The following FBXO36 variants were observed in gnomAD, a reference collection of about 807,000 sequenced individuals.
FBXO36 encodes F-box only protein 36.
A neutral mutation model predicts 17.0 loss-of-function variants in FBXO36; 18 were observed. The ratio of observed to expected loss-of-function variants is 1.06; its 90% CI spans 0.73 to 1.57. The LOEUF (loss-of-function observed/expected upper bound fraction) is 1.57. FBXO36 is among the 40% of genes most tolerant of loss of function. The pLI is 0.00. For synonymous variants in FBXO36, 83 were observed against 85.3 expected, an observed-to-expected ratio of 0.97 and a Z score of 0.15; for missense variants, 229 against 221.9, an observed-to-expected ratio of 1.03 and a Z score of -0.20.
At chr2:229,956,611 C>T (rs1273018786) in intron 1 of FBXO36, among the ~76,000 whole-genome samples, 1 of 152,118 alleles carries the variant, frequency 6.6e-6, no homozygotes. Flanking sequence ...TTGATGTTAA[C>T]CTTTGGTCTT....
chr2:229,927,918 C>T (rs1399210553), intron 1 of FBXO36, among the ~76,000 whole-genome samples: 1 of 152,194 alleles, frequency 6.6e-6, no homozygotes, highest in East Asian at 1.9e-4. Flanking sequence ...TTAAACTAGA[C>T]TTGGTGATGG....
At chr2:229,983,297 C>T (rs1310241681) in intron 2 of FBXO36, among the ~76,000 whole-genome samples, 1 of 151,872 alleles carries the variant, frequency 6.6e-6, no homozygotes. Context: ...ATCGCTTGAA[C>T]CTGGGAGGCA....
chr2:229,987,030 C>A (rs1354353632), intron 2 of FBXO36, among the ~76,000 whole-genome samples: 1 of 151,352 alleles, frequency 6.6e-6, no homozygotes, highest in Non-Finnish European at 1.5e-5. Context: ...ACCAGCCTGG[C>A]CAACATGGTG....
intron 2 of FBXO36, among the ~76,000 whole-genome samples, chr2:229,980,042 G>A (rs1158103986): frequency 6.6e-6 from 1 of 151,442 alleles, no homozygotes; most frequent in African/African-American, 2.4e-5. Flanking sequence ...GTTAACATTC[G>A]TTTTTTTTGT....
intron 1 of FBXO36, among the ~76,000 whole-genome samples, chr2:229,931,124 T>C: frequency 6.6e-6 from 1 of 152,344 alleles, no homozygotes; most frequent in South Asian, 2.1e-4. Flanking sequence ...ATGGCACTTT[T>C]CTGAGGAGAG....
intron 3 of FBXO36, among the ~76,000 whole-genome samples, chr2:230,007,573 G>A (rs2106218913): frequency 6.6e-6 from 1 of 152,162 alleles, no homozygotes; most frequent in Non-Finnish European, 1.5e-5. Context: ...TGTGTTTACA[G>A]CAACCTGATT....
chr2:229,944,575 G>T (rs1352996423), intron 1 of FBXO36, among the ~76,000 whole-genome samples: 2 of 147,328 alleles, frequency 1.4e-5, no homozygotes, highest in African/African-American at 5.0e-5. Flanking sequence ...AGCAAAACTG[G>T]TATTTTTTTT....
At chr2:229,956,595 G>A (rs770097385) in intron 1 of FBXO36, among the ~76,000 whole-genome samples, 1 of 152,126 alleles carries the variant, frequency 6.6e-6, no homozygotes, top group African/African-American at 2.4e-5. Flanking sequence ...AAGTCTGTCC[G>A]GATATTTGAT....
intron 2 of FBXO36, among the ~76,000 whole-genome samples, chr2:229,986,737 G>T (rs935369107): frequency 6.6e-6 from 1 of 151,220 alleles, no homozygotes; most frequent in African/African-American, 2.4e-5. Flanking sequence ...GTTTCACCAT[G>T]TTGGCCAGGC....
rs2076999113 is a variant in FBXO36 at position 229,941,605 on chromosome 2, A to AAAAAAAAAAT, written c.96+18998_96+19007dup. Among the ~76,000 whole-genome samples the AAAAAAAAAAT allele has an allele frequency of 4.6e-5, 7 of 152,146 alleles. 1 individual carries two copies. In the South Asian group the frequency reaches 1.4e-3, roughly 31 times the overall value. Reference sequence around the variant, plus strand: ...AAACTGCTGGCCAGGAGAGGCGAAAAAAAAAAAAATAGAGAAGGGACATGA... The same window carrying AAAAAAAAAAT: ...AAACTGCTGGCCAGGAGAGGCGAAAAAAAAAAAAATAAAAAAAAATAGAGAAGGGACATGA... On this transcript the variant is annotated intron_variant, in intron 1 of 3. Transcript: ENST00000283946.
intron 2 of FBXO36, among the ~76,000 whole-genome samples, chr2:229,987,552 A>G (rs2077275542): frequency 6.6e-6 from 1 of 151,948 alleles, no homozygotes; most frequent in Non-Finnish European, 1.5e-5. Flanking sequence ...CCTTTCTACT[A>G]CTTTCCTTAA....
intron 2 of FBXO36, among the ~76,000 whole-genome samples, chr2:229,989,051 C>G (rs1488712046): frequency 3.3e-5 from 5 of 151,908 alleles, no homozygotes; most frequent in African/African-American, 1.2e-4. Flanking sequence ...ACTGTGTGCA[C>G]AGATCATTTC....
At chr2:229,935,663 A>G (rs2076960058) in intron 1 of FBXO36, among the ~76,000 whole-genome samples, 1 of 152,222 alleles carries the variant, frequency 6.6e-6, no homozygotes, top group Non-Finnish European at 1.5e-5. Context: ...ACTCTGAAAC[A>G]GAAGTCTTCC....
chr2:230,005,490 A>G (rs1185608594), intron 3 of FBXO36, among the ~76,000 whole-genome samples: 1 of 152,218 alleles, frequency 6.6e-6, no homozygotes, highest in Non-Finnish European at 1.5e-5. Context: ...TTGCATGTTT[A>G]TCTGTAGAAA....
At chr2:229,968,216 TAA>T (rs2077163710) in intron 1 of FBXO36, among the ~76,000 whole-genome samples, 1 of 151,580 alleles carries the variant, frequency 6.6e-6, no homozygotes, top group African/African-American at 2.4e-5. Context: ...AATATTCAAT[TAA>T]AGTTATGAAT....
At position 229,922,586 on chromosome 2, in the gene FBXO36, C is replaced by T. The variant is rs2076765199; in HGVS notation, c.73C>T (p.Gln25Ter). ...QGPPPSKDYY[Q>*]LLVTRSQVIF... is the part of the protein sequence containing the mutation. Reference sequence around the variant, plus strand: ...CCCGCCGCCTAGCAAAGACTATTACCAGTTACTGGTCACCCGGTCTCAGGC... The same window carrying T: ...CCCGCCGCCTAGCAAAGACTATTACTAGTTACTGGTCACCCGGTCTCAGGC... Residue 25 changes from glutamine to a stop codon, truncating the protein, a stop_gained, in exon 1 of 4, where the codon CAG (glutamine) becomes TAG (stop). Transcript: ENST00000283946. LOFTEE classifies it high-confidence loss of function. 1.2e-6 allele frequency: 2 copies of T among 1,614,100 alleles called. No homozygotes were observed. Among genetic ancestry groups the T allele is most frequent in the East Asian group, 4.5e-5 (2 of 44,880 alleles).
At chr2:230,006,642 C>T (rs2106218204) in intron 3 of FBXO36, among the ~76,000 whole-genome samples, 1 of 152,178 alleles carries the variant, frequency 6.6e-6, no homozygotes, top group Non-Finnish European at 1.5e-5. Flanking sequence ...CATTCTTGAG[C>T]AGAGCAAAGG....
At chr2:229,967,858 C>T (rs1367003329) in intron 1 of FBXO36, among the ~76,000 whole-genome samples, 2 of 152,082 alleles carry the variant, frequency 1.3e-5, no homozygotes, top group Non-Finnish European at 2.9e-5. Context: ...TGTGTCTCTG[C>T]CCGGCTTTGG....
intron 1 of FBXO36, among the ~76,000 whole-genome samples, chr2:229,963,423 T>C (rs1350155839): frequency 6.7e-6 from 1 of 148,896 alleles, no homozygotes; most frequent in Non-Finnish European, 1.5e-5. Context: ...CTTATACATG[T>C]ATCCTTTGCA....
Sources: gnomAD v4.1 joint callset for allele counts (sites outside exome capture counted in the v4.1 genomes callset) on GRCh38, gnomAD v4.1.1 for gene constraint, MANE v1.5 for transcripts, NCBI Gene and HGNC (gene_info 2026-07-23, HGNC 2026-07-21) for gene names.